Variants in USP25 observed in about 807,000 individuals in gnomAD.
USP25 encodes the protein ubiquitin carboxyl-terminal hydrolase 25.
In USP25, 85 loss-of-function variants were observed where a neutral mutation model predicts 158.5. The ratio of observed to expected loss-of-function variants is 0.54; its 90% CI spans 0.45 to 0.64. The LOEUF is 0.64. Ranked by LOEUF, USP25 falls within the 30% of genes least tolerant of loss-of-function variation. The pLI, the probability that USP25 is intolerant of heterozygous loss-of-function variation, is 0.00. For synonymous variants in USP25, 464 were observed against 460.4 expected (o/e 1.01, Z -0.10); for missense variants, 1,242 against 1,327.3 (o/e 0.94, Z 1.00).
rs200699883 is a variant in USP25, at chr21:15,826,264, A to G, written c.1365A>G (p.Ala455=). 3.1e-6 allele frequency: 5 copies of G among 1,614,096 alleles called. No individual in the cohort carries two copies. Among genetic ancestry groups the G allele is most frequent in the African/African-American group, 2.7e-5 (2 of 75,060 alleles). ...RFPLVDVLQY[A]LEFASSKPVC... Reference sequence around the variant, plus strand: ...CCTTGGTAGATGTTCTTCAGTATGCATTGGAATTTGCCTCAAGTAAACCTG... The same window carrying G: ...CCTTGGTAGATGTTCTTCAGTATGCGTTGGAATTTGCCTCAAGTAAACCTG... Residue 455 remains alanine, a synonymous_variant, in exon 13 of 26, where the codon GCA becomes GCG. Coordinates refer to ENST00000400183, the MANE Select transcript of USP25 (RefSeq NM_001283041.3). This position sits in a 1 kb window ranked among gnomAD's most constrained non-coding sequence, Gnocchi z 4.8.
intron 4 of USP25, among the ~76,000 whole-genome samples, chr21:15,788,027 C>T (rs561204197): frequency 2.7e-5 from 4 of 150,502 alleles, no homozygotes; most frequent in East Asian, 2.0e-4. Flanking sequence ...AACATTTTGT[C>T]GTCTTTTTAT....
At chr21:15,753,431 G>T (rs2033167494) in intron 1 of USP25, among the ~76,000 whole-genome samples, 1 of 152,158 alleles carries the variant, frequency 6.6e-6, no homozygotes, top group Admixed American at 6.5e-5. Flanking sequence ...AGTCCCGGGG[G>T]ACCCTCCTTG....
intron 1 of USP25, among the ~76,000 whole-genome samples, chr21:15,732,225 T>G (rs959078834): frequency 6.6e-6 from 1 of 152,220 alleles, no homozygotes; most frequent in African/African-American, 2.4e-5. Context: ...CTACTTTTAG[T>G]ATGGCTGTGT....
intron 9 of USP25, among the ~76,000 whole-genome samples, chr21:15,813,373 C>CTT (rs2036771088): frequency 6.6e-6 from 1 of 152,202 alleles, no homozygotes; most frequent in Admixed American, 6.5e-5. Context: ...GTCCCCGAAT[C>CTT]TAATTTTACA....
At chr21:15,860,930 C>T (rs1050806121) in intron 20 of USP25, among the ~76,000 whole-genome samples, 4 of 148,632 alleles carry the variant, frequency 2.7e-5, no homozygotes, top group Non-Finnish European at 5.9e-5. Flanking sequence ...CACATACTCA[C>T]ATATATATAT....
chr21:15,809,355 C>CA (rs758234369), intron 8 of USP25, among the ~76,000 whole-genome samples: 1 of 152,072 alleles, frequency 6.6e-6, no homozygotes, highest in Non-Finnish European at 1.5e-5. Context: ...CCAGAGGTGA[C>CA]ACACATCACT....
In USP25 at chr21:15,791,814, G is replaced by A. The variant is rs573686216; in HGVS notation, c.555+150G>A. ...CTAATAAACTAGCTTGGGGATTGAA[G>A]TATCCTCCCATCCCTCTTTGTTTTT... On this transcript the variant is annotated intron_variant, in intron 5 of 25. Transcript: ENST00000400183. 15 of 747,012 alleles carry A rather than the reference G, an allele frequency of 2.0e-5. No homozygotes were observed. In the African/African-American group the frequency reaches 2.0e-4, roughly 10 times the overall value. 46.3% of individuals were successfully genotyped at this position (747,012 alleles called of 1,614,324 possible).
chr21:15,775,811 C>G (rs1225023786), intron 3 of USP25, among the ~76,000 whole-genome samples: 2 of 138,804 alleles, frequency 1.4e-5, no homozygotes, highest in African/African-American at 5.3e-5. Flanking sequence ...ATGGATGAGG[C>G]CTAAGTTTCA....
intron 1 of USP25, among the ~76,000 whole-genome samples, chr21:15,757,028 C>T (rs1459647969): frequency 6.6e-6 from 1 of 152,132 alleles, no homozygotes; most frequent in East Asian, 1.9e-4. Flanking sequence ...CAGGGCGTAT[C>T]ACAGGTCAGA....
intron 12 of USP25, 24 bp downstream of exon 12, chr21:15,825,085 G>T: frequency 2.0e-6 from 3 of 1,520,296 alleles, no homozygotes; most frequent in Non-Finnish European, 2.7e-6. Flanking sequence ...TATGAAATTA[G>T]GAGATAATTA....
At chr21:15,775,104 C>T (rs1410598435) in intron 3 of USP25, among the ~76,000 whole-genome samples, 1 of 152,100 alleles carries the variant, frequency 6.6e-6, no homozygotes, top group South Asian at 2.1e-4. Flanking sequence ...ACCATTCTCG[C>T]GTCTTATGAT....
intron 1 of USP25, among the ~76,000 whole-genome samples, chr21:15,753,196 G>A (rs1176346097): frequency 6.6e-6 from 1 of 152,164 alleles, no homozygotes; most frequent in African/African-American, 2.4e-5. Context: ...TCAGCAGGTA[G>A]GTCACGTGTT....
At chr21:15,733,188 G>A (rs904047454) in intron 1 of USP25, among the ~76,000 whole-genome samples, 2 of 122,168 alleles carry the variant, frequency 1.6e-5, no homozygotes, top group Non-Finnish European at 3.1e-5. Context: ...GATTCTTTAG[G>A]GCAGTTATTA....
Position 15,805,002 on chromosome 21 carries a change from A to C in USP25, c.643-119A>C, listed in dbSNP as rs892819313. On this transcript the variant is annotated intron_variant, in intron 6 of 25. Transcript: ENST00000400183. ...TTCAATTATGATAGAGTGCTAATTC[A>C]TCCCTAAACTATATTGGCTAGTTTA... 41 of 1,053,200 alleles carry C rather than the reference A, an allele frequency of 3.9e-5. 2 individuals carry two copies. The South Asian group carries it at 8.0e-4, about 21-fold the overall frequency. The allele number at this position is 1,053,200 out of a possible 1,614,324, so 65.2% of individuals were successfully genotyped here.
rs1215511600 is a variant in USP25, at chr21:15,824,114, C to T, written c.1156C>T (p.Pro386Ser). The change falls in exon 11 of 26, where the codon CCA becomes TCA. Residue 386 changes from proline to serine, a missense_variant. This residue lies in a region of USP25 where 627 missense variants were observed against 701.4 expected (regional missense o/e 0.89). Coordinates refer to ENST00000400183, the MANE Select transcript of USP25 (RefSeq NM_001283041.3). ...RFEFNQALGR[P>S]EKIHNKLEFP... The stretch of plus-strand genomic sequence containing the variant: ...TGAATTTAATCAGGCATTGGGAAGA[C>T]CAGAAAAAATTCACAACAAATTAGA... 1 of 1,613,320 alleles carries T rather than the reference C, an allele frequency of 6.2e-7. No homozygotes were observed.
Position 15,831,524 on chromosome 21 carries a change from A to G in USP25, c.1888A>G (p.Lys630Glu). ...GAAGTACAATGATATTGCTGTGACA[A>G]AATCATCATGGGAAGAGCTAGTGAG... ...WMKYNDIAVT[K>E]SSWEELVRDS... The change falls in exon 16 of 26, where the codon AAA (lysine) becomes GAA (glutamate). Residue 630 changes from lysine to glutamate, a missense_variant. Transcript: ENST00000400183. 1 of 1,614,128 alleles carries G rather than the reference A, an allele frequency of 6.2e-7. No individual in the cohort carries two copies. Among genetic ancestry groups the G allele is most frequent in the Non-Finnish European group, 8.5e-7 (1 of 1,179,964 alleles).
At chr21:15,854,623 C>T (rs1442234559) in intron 20 of USP25, among the ~76,000 whole-genome samples, 1 of 152,092 alleles carries the variant, frequency 6.6e-6, no homozygotes, top group Non-Finnish European at 1.5e-5. Flanking sequence ...TTTTAATACT[C>T]TGAATGTTTG....
At position 15,762,873 on chromosome 21, in the gene USP25, G is replaced by A. The variant is rs540181948; in HGVS notation, c.46-18G>A. On this transcript the variant is annotated intron_variant, in intron 1 of 25. Transcript: ENST00000400183. ...CAGAGTTGAGAATATAATGATTTTG[G>A]GTTTTTCCTCCCTCTAGCACCAGCA... is the stretch of plus-strand genomic sequence containing the variant. 6.2e-7 allele frequency: 1 copy of A among 1,600,750 alleles called. No homozygotes were observed. The highest frequency in any genetic ancestry group is 1.4e-5 in the African/African-American group (1 of 73,974).
At chr21:15,819,243 A>T (rs1304743425) in intron 10 of USP25, among the ~76,000 whole-genome samples, 1 of 152,200 alleles carries the variant, frequency 6.6e-6, no homozygotes, top group Non-Finnish European at 1.5e-5. Context: ...CGATGCCCAG[A>T]TTCCTTTTCT....
Sources: allele counts gnomAD v4.1 joint callset (sites outside exome capture counted in the v4.1 genomes callset), GRCh38; gene constraint gnomAD v4.1.1; regional missense constraint gnomAD v4.1.1; non-coding constraint Gnocchi (gnomAD v3.1); transcripts MANE v1.5; gene names NCBI Gene and HGNC (gene_info 2026-07-23, HGNC 2026-07-21).